The following DNER variants were observed in gnomAD, a reference collection of about 807,000 sequenced individuals.
DNER encodes delta and Notch-like epidermal growth factor-related receptor.
A neutral mutation model predicts 78.2 loss-of-function variants in DNER; 33 were observed. The observed-to-expected ratio is 0.42, with a 90% CI of 0.32 to 0.56. The LOEUF is 0.56. Ranked by LOEUF, DNER falls within the 20% of genes least tolerant of loss-of-function variation. The probability of loss-of-function intolerance (pLI) is 0.11; values close to 1 mark genes in which losing one functional copy is unlikely to be tolerated. For synonymous variants in DNER, 417 were observed against 384.8 expected, an observed-to-expected ratio of 1.08 and a Z score of -0.98; for missense variants, 918 against 975.3, an observed-to-expected ratio of 0.94 and a Z score of 0.78.
At chr2:229,519,977 C>T (rs1371708103) in intron 5 of DNER, among the ~76,000 whole-genome samples, 2 of 152,142 alleles carry the variant, frequency 1.3e-5, no homozygotes, top group Non-Finnish European at 2.9e-5. Flanking sequence ...AAAAACTATC[C>T]TATCTGGTGG....
In DNER at chr2:229,678,397, G is replaced by A. The variant is rs1699331965; in HGVS notation, c.276+35751C>T. On this transcript the variant is annotated intron_variant, in intron 1 of 12. Transcript: ENST00000341772. ...CATGAATTCTTCAGGAAGGCAAATTGCATCTAGAGTCCCTCAAGTTGTTGT... is the reference window on the plus strand; with the variant it reads ...CATGAATTCTTCAGGAAGGCAAATTACATCTAGAGTCCCTCAAGTTGTTGT... Among the ~76,000 whole-genome samples the A allele has an allele frequency of 3.9e-5, 6 of 152,172 alleles. No homozygotes were observed. In the South Asian group the frequency reaches 1.2e-3, roughly 32 times the overall value.
intron 1 of DNER, among the ~76,000 whole-genome samples, chr2:229,682,288 A>G (rs1699400221): frequency 6.6e-6 from 1 of 152,222 alleles, no homozygotes; most frequent in African/African-American, 2.4e-5. Flanking sequence ...AGAATGTTTT[A>G]ATTAAAATTT....
chr2:229,413,620 C>CT (rs1279542947), intron 9 of DNER, among the ~76,000 whole-genome samples: 1 of 151,406 alleles, frequency 6.6e-6, no homozygotes, highest in African/African-American at 2.4e-5. Flanking sequence ...CGCCCCCGGC[C>CT]TTTTTTCCTT....
intron 7 of DNER, among the ~76,000 whole-genome samples, chr2:229,455,154 C>T (rs1694544241): frequency 6.6e-6 from 1 of 152,060 alleles, no homozygotes. Flanking sequence ...ATATGACATC[C>T]TTTTACAAAT....
intron 1 of DNER, among the ~76,000 whole-genome samples, chr2:229,609,810 T>C (rs926139880): frequency 1.3e-5 from 2 of 152,224 alleles, no homozygotes; most frequent in African/African-American, 4.8e-5. Context: ...TTTTTATAGC[T>C]TCAATAAAAA....
intron 1 of DNER, 142 bp from the exon 2 acceptor site, chr2:229,592,030 G>A (rs1014862901): frequency 1.2e-4 from 144 of 1,152,278 alleles, no homozygotes; most frequent in Non-Finnish European, 5.5e-5. Flanking sequence ...TACTTGTGCT[G>A]TTGTGGGGTG....
chr2:229,703,884 CA>C (rs1183836979), intron 1 of DNER, among the ~76,000 whole-genome samples: 2 of 106,218 alleles, frequency 1.9e-5, no homozygotes, highest in South Asian at 3.0e-4. Flanking sequence ...GACCCTGTCT[CA>C]AAAAAAATGA....
At chr2:229,468,414 G>A (rs888157589) in intron 7 of DNER, among the ~76,000 whole-genome samples, 1 of 152,098 alleles carries the variant, frequency 6.6e-6, no homozygotes, top group African/African-American at 2.4e-5. Context: ...CCTAACATCA[G>A]TGCTTGAGAT....
chr2:229,367,284 T>C (rs1692372993), intron 11 of DNER, among the ~76,000 whole-genome samples, 165 bp from the exon 12 acceptor site: 1 of 152,100 alleles, frequency 6.6e-6, no homozygotes, highest in South Asian at 2.1e-4. Flanking sequence ...CCTTACTACA[T>C]AAGGACTTCT....
intron 10 of DNER, among the ~76,000 whole-genome samples, chr2:229,401,169 A>G (rs548500956): frequency 6.6e-6 from 1 of 152,204 alleles, no homozygotes; most frequent in East Asian, 1.9e-4. Flanking sequence ...AAAAATAGTG[A>G]TAACACCAAA....
At chr2:229,656,541 G>A (rs1698914953) in intron 1 of DNER, among the ~76,000 whole-genome samples, 1 of 152,086 alleles carries the variant, frequency 6.6e-6, no homozygotes, top group South Asian at 2.1e-4. Flanking sequence ...GGAGGACGAG[G>A]AAGGGAAAAG....
chr2:229,376,593 G>A (rs1440307354), intron 11 of DNER, among the ~76,000 whole-genome samples: 2 of 152,190 alleles, frequency 1.3e-5, no homozygotes, highest in African/African-American at 4.8e-5. Flanking sequence ...GCTAAAGAAT[G>A]GAAATACCAT....
At chr2:229,389,162 T>C (rs1475358765) in intron 10 of DNER, among the ~76,000 whole-genome samples, 1 of 152,014 alleles carries the variant, frequency 6.6e-6, no homozygotes, top group East Asian at 1.9e-4. Flanking sequence ...CATTCTCCCA[T>C]AAGGAAGAAT....
At chr2:229,551,573 G>T (rs1013212852) in intron 4 of DNER, among the ~76,000 whole-genome samples, 8 of 152,116 alleles carry the variant, frequency 5.3e-5, no homozygotes, top group Non-Finnish European at 8.8e-5. Context: ...GGCAGAGGTT[G>T]CAGTGAGCCA....
chr2:229,694,233 G>A (rs1009757854), intron 1 of DNER, among the ~76,000 whole-genome samples: 43 of 152,236 alleles, frequency 2.8e-4, no homozygotes, highest in Non-Finnish European at 4.8e-4. Context: ...GCATGGAAAC[G>A]CCTGGATGTC....
At chr2:229,449,644 GA>G (rs1325109319) in intron 7 of DNER, among the ~76,000 whole-genome samples, 2 of 152,140 alleles carry the variant, frequency 1.3e-5, no homozygotes, top group Non-Finnish European at 2.9e-5. Flanking sequence ...TGGATGCACT[GA>G]TTTCTTTACA....
At chr2:229,396,306 C>G (rs76440883) in intron 10 of DNER, among the ~76,000 whole-genome samples, 17,937 of 152,148 alleles carry the variant, frequency 0.12, 1,792 homozygotes, top group East Asian at 0.52. Flanking sequence ...GTTTACACGA[C>G]TTTAGTAATC....
intron 8 of DNER, among the ~76,000 whole-genome samples, chr2:229,435,031 G>T (rs1320461775): frequency 6.6e-6 from 1 of 151,642 alleles, no homozygotes; most frequent in Admixed American, 6.6e-5. Flanking sequence ...AAAAAAAATA[G>T]CTACAAGTTC....
chr2:229,458,291 A>C (rs1056993758), intron 7 of DNER, among the ~76,000 whole-genome samples: 2 of 151,956 alleles, frequency 1.3e-5, no homozygotes, highest in African/African-American at 2.4e-5. Flanking sequence ...GGGACACTTA[A>C]TATGAAAAAG....
Sources: gnomAD v4.1 joint callset for allele counts (sites outside exome capture counted in the v4.1 genomes callset) on GRCh38, gnomAD v4.1.1 for gene constraint, MANE v1.5 for transcripts, NCBI Gene and HGNC (gene_info 2026-07-23, HGNC 2026-07-21) for gene names.